Variants in BRINP3 observed in about 807,000 individuals in gnomAD.
BRINP3 encodes BMP/retinoic acid inducible neural specific 3.
BRINP3 carries 19 observed loss-of-function variants against 71.0 expected under a neutral mutation model. The ratio of observed to expected loss-of-function variants is 0.27; its 90% CI spans 0.19 to 0.39. The LOEUF (loss-of-function observed/expected upper bound fraction) is 0.39, where lower values mean the gene tolerates loss of function less well. Among genes scored for constraint, BRINP3 ranks in the 10% least tolerant of loss-of-function variants. The pLI is 1.00. For missense variants in BRINP3, 959 were observed against 940.8 expected (o/e 1.02, Z -0.25); for synonymous variants, 380 against 337.7 (o/e 1.13, Z -1.37).
intron 6 of BRINP3, among the ~76,000 whole-genome samples, chr1:190,195,653 G>A (rs1008545983): frequency 2.6e-5 from 4 of 151,350 alleles, no homozygotes; most frequent in South Asian, 4.2e-4. Flanking sequence ...GCCTAATTTC[G>A]TCCAGAGCTG....
chr1:190,296,114 T>A (rs540538419), intron 2 of BRINP3, among the ~76,000 whole-genome samples: 2 of 151,492 alleles, frequency 1.3e-5, no homozygotes, highest in African/African-American at 4.8e-5. Context: ...ATTTAAAAAA[T>A]TTTTGCCAAA....
intron 3 of BRINP3, among the ~76,000 whole-genome samples, chr1:190,275,948 G>GATAT (rs932002323): frequency 9.4e-5 from 14 of 148,494 alleles, no homozygotes; most frequent in African/African-American, 3.5e-4. Context: ...AGTGAAACAT[G>GATAT]ATATATATAT....
chr1:190,418,558 T>TA (rs1673156596), intron 2 of BRINP3, among the ~76,000 whole-genome samples: 1 of 152,148 alleles, frequency 6.6e-6, no homozygotes, highest in Non-Finnish European at 1.5e-5. Context: ...CTGATCATGA[T>TA]AAAAACCACC....
chr1:190,103,215 G>T (rs934245610), intron 7 of BRINP3, among the ~76,000 whole-genome samples: 1 of 151,982 alleles, frequency 6.6e-6, no homozygotes, highest in African/African-American at 2.4e-5. Context: ...TTATGATTCT[G>T]CATGACTGTG....
rs186677763 is a variant in BRINP3, at chr1:190,251,442, C to A, written c.618+13423G>T. Reference sequence around the variant, plus strand: ...TGACAGTTAATTGAGCAAAACGACACAATCAATACGTAGTGATATTGGGAC... The same window carrying A: ...TGACAGTTAATTGAGCAAAACGACAAAATCAATACGTAGTGATATTGGGAC... On this transcript the variant is annotated intron_variant, in intron 4 of 7. Transcript: ENST00000367462. 1.1e-4 allele frequency among the ~76,000 whole-genome samples: 16 copies of A among 151,974 alleles called. No homozygotes were observed. The East Asian group carries it at 2.9e-3, about 28-fold the overall frequency.
chr1:190,278,810 G>A (rs942728934), intron 3 of BRINP3, among the ~76,000 whole-genome samples: 22 of 150,916 alleles, frequency 1.5e-4, no homozygotes, highest in African/African-American at 5.3e-4. Context: ...GCCATCACTG[G>A]AAGAATCAAC....
intron 2 of BRINP3, among the ~76,000 whole-genome samples, chr1:190,368,736 A>T (rs746493850): frequency 3.3e-5 from 5 of 152,158 alleles, no homozygotes; most frequent in Non-Finnish European, 7.4e-5. Context: ...ATTTAGATTA[A>T]GTAAATTTCC....
At chr1:190,368,470 G>A (rs1478920423) in intron 2 of BRINP3, among the ~76,000 whole-genome samples, 1 of 147,360 alleles carries the variant, frequency 6.8e-6, no homozygotes, top group Non-Finnish European at 1.5e-5. Flanking sequence ...AAAAGCCCGT[G>A]CCCTTATACA....
At chr1:190,392,260 A>G (rs1671299474) in intron 2 of BRINP3, among the ~76,000 whole-genome samples, 1 of 151,668 alleles carries the variant, frequency 6.6e-6, no homozygotes, top group Admixed American at 6.6e-5. Context: ...TTGTTGCCTT[A>G]ATAATGTCAA....
At chr1:190,106,898 A>G (rs1479895426) in intron 7 of BRINP3, among the ~76,000 whole-genome samples, 1 of 151,814 alleles carries the variant, frequency 6.6e-6, no homozygotes, top group African/African-American at 2.4e-5. Context: ...GAAATTGTAT[A>G]ATTTAAATAA....
At chr1:190,243,540 A>T (rs1659310034) in intron 4 of BRINP3, among the ~76,000 whole-genome samples, 1 of 152,124 alleles carries the variant, frequency 6.6e-6, no homozygotes, top group Non-Finnish European at 1.5e-5. Context: ...GGAAATCTAA[A>T]GGGATATGTT....
chr1:190,440,440 G>C (rs1415107222), intron 2 of BRINP3, among the ~76,000 whole-genome samples: 2 of 151,836 alleles, frequency 1.3e-5, no homozygotes, highest in East Asian at 1.9e-4. Flanking sequence ...GGCATATTTA[G>C]AAACTTTTAA....
chr1:190,246,988 C>T (rs1294342829), intron 4 of BRINP3, among the ~76,000 whole-genome samples: 1 of 151,908 alleles, frequency 6.6e-6, no homozygotes, highest in African/African-American at 2.4e-5. Context: ...GGCACCTTCT[C>T]CACTTGCCTT....
chr1:190,254,218 T>C (rs1571523569), intron 4 of BRINP3, among the ~76,000 whole-genome samples: 1 of 152,198 alleles, frequency 6.6e-6, no homozygotes. Flanking sequence ...CCAGCTTTGT[T>C]CTTTTTGCTT....
intron 4 of BRINP3, among the ~76,000 whole-genome samples, chr1:190,246,705 C>G (rs141246361): frequency 6.6e-6 from 1 of 152,092 alleles, no homozygotes; most frequent in Non-Finnish European, 1.5e-5. Flanking sequence ...TAAATGAAAC[C>G]TGATGAAATG....
intron 2 of BRINP3, among the ~76,000 whole-genome samples, chr1:190,334,753 T>C (rs1029153139): frequency 2.0e-5 from 3 of 151,828 alleles, no homozygotes; most frequent in African/African-American, 7.2e-5. Context: ...TAAAGTTCTA[T>C]AGATTGCAGG....
At chr1:190,419,818 T>C (rs1233806251) in intron 2 of BRINP3, among the ~76,000 whole-genome samples, 1 of 151,442 alleles carries the variant, frequency 6.6e-6, no homozygotes, top group African/African-American at 2.4e-5. Context: ...AAAATACTGG[T>C]GTATCAAACC....
At chr1:190,274,590 A>T (rs772042854) in intron 3 of BRINP3, among the ~76,000 whole-genome samples, 6 of 151,686 alleles carry the variant, frequency 4.0e-5, no homozygotes, top group African/African-American at 7.2e-5. Flanking sequence ...CCTCAAAAAG[A>T]TGGTCCATTT....
chr1:190,474,758 GCCT>G (rs1364198369), intron 1 of BRINP3: 1 of 152,054 alleles, frequency 6.6e-6, no homozygotes, highest in East Asian at 1.9e-4. Flanking sequence ...CAAAGTAAAA[GCCT>G]CTCCGGTTCA....
Sources: gnomAD v4.1 joint callset for allele counts (sites outside exome capture counted in the v4.1 genomes callset) on GRCh38, gnomAD v4.1.1 for gene constraint, MANE v1.5 for transcripts, NCBI Gene and HGNC (gene_info 2026-07-23, HGNC 2026-07-21) for gene names.